The following SGCZ variants were observed in gnomAD, a reference collection of about 807,000 sequenced individuals.
SGCZ encodes the protein zeta-sarcoglycan.
Under a neutral mutation model 41.3 loss-of-function variants are expected in SGCZ, and 40 were observed. The observed-to-expected ratio is 0.97, with a 90% CI of 0.75 to 1.26. SGCZ has a LOEUF of 1.26. Ranked by LOEUF, SGCZ falls within the 50% of genes most tolerant of loss-of-function variation. The pLI is 0.00. For synonymous variants in SGCZ, 206 were observed against 137.5 expected, an observed-to-expected ratio of 1.50 and a Z score of -3.49; for missense variants, 552 against 369.8, an observed-to-expected ratio of 1.49 and a Z score of -4.04.
rs77715152 is a variant in SGCZ at position 14,370,036 on chromosome 8, C to G, written c.235-45832G>C. Among the ~76,000 whole-genome samples the G allele has an allele frequency of 5.3e-5, 8 of 152,080 alleles. No individual in the cohort carries two copies. The East Asian group carries it at 1.5e-3, about 29-fold the overall frequency. On this transcript the variant is annotated intron_variant, in intron 2 of 7. Coordinates refer to ENST00000382080, the MANE Select transcript of SGCZ (RefSeq NM_139167.4). ...TGTCTTTTCAAGATGTACCAATTCA[C>G]TCTTTAAAGATCTACTTACTTCTGA...
intron 5 of SGCZ, among the ~76,000 whole-genome samples, chr8:14,160,373 G>A (rs912497310): frequency 1.3e-5 from 2 of 152,174 alleles, no homozygotes; most frequent in African/African-American, 2.4e-5. Flanking sequence ...TTAAATTTAA[G>A]AGACTTCCGT....
At chr8:14,280,415 C>T (rs1048661061) in intron 3 of SGCZ, among the ~76,000 whole-genome samples, 2 of 151,756 alleles carry the variant, frequency 1.3e-5, no homozygotes, top group Non-Finnish European at 3.0e-5. Flanking sequence ...TCTAATACTC[C>T]TAAATTCTAC....
rs1798996315 is a variant in SGCZ, at chr8:14,244,189, CCTCCTCTTCCTTCTTCCT to C, written c.337-6528_337-6511del. Among the ~76,000 whole-genome samples the C allele has an allele frequency of 2.0e-5, 3 of 150,612 alleles. No individual in the cohort carries two copies. The South Asian group carries it at 6.3e-4, about 32-fold the overall frequency. On this transcript the variant is annotated intron_variant, in intron 3 of 7. Coordinates refer to ENST00000382080, the MANE Select transcript of SGCZ (RefSeq NM_139167.4). ...CTTCCTCCTCCTCTTCCTTCTTCCT[CCTCCTCTTCCTTCTTCCT>C]CCTCTTCCTTCTTCCTCCTCCTTCT...
chr8:14,676,390 A>C (rs1023179594), intron 1 of SGCZ, among the ~76,000 whole-genome samples: 1 of 141,040 alleles, frequency 7.1e-6, no homozygotes, highest in Non-Finnish European at 1.6e-5. Context: ...CTGATGGCAT[A>C]TGCCTGTAGT....
intron 1 of SGCZ, among the ~76,000 whole-genome samples, chr8:14,788,853 G>A (rs1168316477): frequency 1.3e-5 from 2 of 152,088 alleles, no homozygotes; most frequent in Non-Finnish European, 2.9e-5. Flanking sequence ...GCTCACACCT[G>A]TAACCCCAGT....
intron 1 of SGCZ, among the ~76,000 whole-genome samples, chr8:15,218,785 C>G (rs879415734): frequency 6.6e-6 from 1 of 152,166 alleles, no homozygotes; most frequent in Non-Finnish European, 1.5e-5. Flanking sequence ...TGACTGTACC[C>G]ACATAACTAT....
chr8:15,065,610 T>G (rs1048792714), intron 1 of SGCZ, among the ~76,000 whole-genome samples: 2 of 151,828 alleles, frequency 1.3e-5, no homozygotes, highest in African/African-American at 4.8e-5. Context: ...CTAACGTTTT[T>G]GTATTTTCGG....
intron 4 of SGCZ, among the ~76,000 whole-genome samples, chr8:14,173,773 T>C (rs767466841): frequency 4.6e-5 from 7 of 152,024 alleles, no homozygotes; most frequent in African/African-American, 1.4e-4. Context: ...AGCGAGATGA[T>C]AGACAAATGG....
At chr8:14,859,547 A>G (rs1803651617) in intron 1 of SGCZ, among the ~76,000 whole-genome samples, 1 of 152,158 alleles carries the variant, frequency 6.6e-6, no homozygotes, top group African/African-American at 2.4e-5. Flanking sequence ...AGTAAGATTC[A>G]TAGACAAAGG....
chr8:14,177,736 G>T (rs1479061877), intron 4 of SGCZ, among the ~76,000 whole-genome samples: 2 of 144,902 alleles, frequency 1.4e-5, no homozygotes, highest in Non-Finnish European at 3.0e-5. Context: ...GTGTTAGCCA[G>T]GATGGTCTCG....
At chr8:14,201,113 G>C (rs1805440789) in intron 4 of SGCZ, among the ~76,000 whole-genome samples, 1 of 152,122 alleles carries the variant, frequency 6.6e-6, no homozygotes, top group Admixed American at 6.6e-5. Context: ...TGTTTAAATG[G>C]TGAAATAGCA....
chr8:15,236,681 T>A (rs528679103), intron 1 of SGCZ, among the ~76,000 whole-genome samples: 84 of 146,756 alleles, frequency 5.7e-4, no homozygotes, highest in African/African-American at 1.3e-3. Context: ...ATATATATAT[T>A]TTTTTTTCTT....
chr8:14,732,616 A>C lies in SGCZ; in HGVS notation c.40-177690T>G, dbSNP rs531919203. Among the ~76,000 whole-genome samples the C allele has an allele frequency of 1.5e-3, 227 of 152,318 alleles. 1 individual carries two copies. The highest frequency in any genetic ancestry group is 6.8e-3 in the Middle Eastern group (2 of 294). ...CAAAGCATGGAAACATATGATGAGA[A>C]TTAGAAGACTGAGCTGCTGTTTTCG... On this transcript the variant is annotated intron_variant, in intron 1 of 7. Coordinates refer to ENST00000382080, the MANE Select transcript of SGCZ (RefSeq NM_139167.4).
intron 4 of SGCZ, among the ~76,000 whole-genome samples, chr8:14,207,391 T>C (rs534554296): frequency 6.6e-6 from 1 of 152,302 alleles, no homozygotes; most frequent in South Asian, 2.1e-4. Flanking sequence ...AGATTCATTG[T>C]TTTTAGCCTC....
intron 2 of SGCZ, among the ~76,000 whole-genome samples, chr8:14,370,869 TCTTA>T (rs942312299): frequency 1.3e-5 from 2 of 151,984 alleles, no homozygotes; most frequent in Admixed American, 1.3e-4. Context: ...CTTGCATTTT[TCTTA>T]CTGACTGTGT....
At chr8:14,286,793 G>A (rs1800648702) in intron 3 of SGCZ, among the ~76,000 whole-genome samples, 1 of 152,040 alleles carries the variant, frequency 6.6e-6, no homozygotes, top group Admixed American at 6.6e-5. Flanking sequence ...AGTTTTTAAA[G>A]CTGCTAAGAT....
intron 2 of SGCZ, among the ~76,000 whole-genome samples, chr8:14,446,058 G>A (rs773199378): frequency 3.9e-5 from 6 of 152,102 alleles, no homozygotes; most frequent in African/African-American, 1.4e-4. Context: ...CTGAAGAAGG[G>A]GACAAGAAAA....
At chr8:15,059,659 C>T (rs976383368) in intron 1 of SGCZ, among the ~76,000 whole-genome samples, 4 of 152,136 alleles carry the variant, frequency 2.6e-5, no homozygotes, top group African/African-American at 9.7e-5. Context: ...ATTAATGATA[C>T]TTAACTTATA....
At chr8:14,338,036 T>C (rs543997844) in intron 2 of SGCZ, among the ~76,000 whole-genome samples, 3 of 152,272 alleles carry the variant, frequency 2.0e-5, no homozygotes, top group East Asian at 1.9e-4. Context: ...TCCTGTTCAA[T>C]TGGTAGCAGG....
Sources: gnomAD v4.1 joint callset for allele counts (sites outside exome capture counted in the v4.1 genomes callset) on GRCh38, gnomAD v4.1.1 for gene constraint, MANE v1.5 for transcripts, NCBI Gene and HGNC (gene_info 2026-07-23, HGNC 2026-07-21) for gene names.